CFH: variants seen among roughly 807,000 people sequenced by gnomAD.
The protein encoded by CFH is complement factor H.
A neutral mutation model predicts 147.3 loss-of-function variants in CFH; 53 were observed. The observed-to-expected ratio is 0.36, with a 90% CI of 0.29 to 0.45. The LOEUF (loss-of-function observed/expected upper bound fraction) is 0.45, where lower values mean the gene tolerates loss of function less well. Among genes scored for constraint, CFH ranks in the 20% least tolerant of loss-of-function variants. The pLI is 1.00. For missense variants in CFH, 1,380 were observed against 1,498.0 expected (o/e 0.92, Z 1.30); for synonymous variants, 536 against 489.4 (o/e 1.10, Z -1.26).
chr1:196,724,384 C>A (rs1007909932), intron 11 of CFH, among the ~76,000 whole-genome samples: 8 of 151,992 alleles, frequency 5.3e-5, no homozygotes, highest in Non-Finnish European at 1.2e-4. Flanking sequence ...GGCAGATGAC[C>A]CTATTCAACT....
At chr1:196,692,156 A>C (rs1020248190) in intron 9 of CFH, among the ~76,000 whole-genome samples, 1 of 152,000 alleles carries the variant, frequency 6.6e-6, no homozygotes, top group Non-Finnish European at 1.5e-5. Context: ...TTGAGATAGA[A>C]TCTCACTCTG....
intron 9 of CFH, among the ~76,000 whole-genome samples, chr1:196,703,684 C>A (rs779900751): frequency 9.9e-5 from 15 of 151,990 alleles, no homozygotes; most frequent in South Asian, 2.1e-4. Flanking sequence ...AGAGTAAGAT[C>A]ATTTAAAGCA....
rs534151477 is a variant in CFH, at chr1:196,676,978, C to T, written c.428-498C>T. The T allele has an allele frequency of 5.8e-5, 9 of 155,418 alleles. No individual in the cohort carries two copies. In the East Asian group the frequency reaches 1.1e-3, roughly 20 times the overall value. The allele number at this position is 155,418 out of a possible 1,614,324, so 9.6% of individuals were successfully genotyped here. On this transcript the variant is annotated intron_variant, in intron 4 of 21. Coordinates refer to ENST00000367429, the MANE Select transcript of CFH (RefSeq NM_000186.4). The stretch of plus-strand genomic sequence containing the variant: ...ATTCTATAGTACAATAAAGTTTGAC[C>T]ACAACTTTAGAGAAATTGGAAAATA...
intron 9 of CFH, among the ~76,000 whole-genome samples, chr1:196,705,480 A>G (rs1055842938): frequency 6.6e-6 from 1 of 152,202 alleles, no homozygotes; most frequent in Non-Finnish European, 1.5e-5. Context: ...GACTTCTAGA[A>G]TGGACAAGGA....
Position 196,685,215 on chromosome 1 carries a change from G to A in CFH, c.942G>A (p.Trp314Ter). The A allele has an allele frequency of 6.2e-7, 1 of 1,612,806 alleles. No homozygotes were observed. Among genetic ancestry groups the A allele is most frequent in the Non-Finnish European group, 8.5e-7 (1 of 1,179,216 alleles). ...CAGCAAAATGCACAAGTACTGGCTG[G>A]ATACCTGCTCCGAGATGTACCTGTA... The part of the protein sequence containing the change: ...GNTAKCTSTG[W>*]IPAPRCTLKP... The change falls in exon 7 of 22, where the codon TGG (tryptophan) becomes TGA (stop). Residue 314 changes from tryptophan (W) to a stop codon, truncating the protein, a stop_gained. Transcript: ENST00000367429. LOFTEE classifies it high-confidence loss of function.
intron 9 of CFH, among the ~76,000 whole-genome samples, chr1:196,696,194 G>A (rs984554518): frequency 6.6e-6 from 1 of 151,944 alleles, no homozygotes; most frequent in South Asian, 2.1e-4. Context: ...TTCTAAGATC[G>A]ACCATATAAT....
chr1:196,701,777 C>A (rs1449312371), intron 9 of CFH, among the ~76,000 whole-genome samples: 1 of 152,094 alleles, frequency 6.6e-6, no homozygotes, highest in African/African-American at 2.4e-5. Flanking sequence ...CTTAGTTCTC[C>A]CAAAGTAACC....
chr1:196,740,517 C>T (rs1652774295), intron 17 of CFH, 102 bp from the exon 18 acceptor site: 1 of 1,133,184 alleles, frequency 8.8e-7, no homozygotes, highest in Non-Finnish European at 1.3e-6. Context: ...CATAGTAGCT[C>T]CTGTATTGTT....
chr1:196,682,291 G>A (rs1667684024), intron 6 of CFH, among the ~76,000 whole-genome samples: 1 of 151,732 alleles, frequency 6.6e-6, no homozygotes, highest in Non-Finnish European at 1.5e-5. Context: ...AACTTCAAAT[G>A]ACCAATGGTT....
At chr1:196,696,271 C>G (rs1442872069) in intron 9 of CFH, among the ~76,000 whole-genome samples, 1 of 152,100 alleles carries the variant, frequency 6.6e-6, no homozygotes, top group Admixed American at 6.6e-5. Flanking sequence ...TCTCAGACCA[C>G]AGTGAAATCA....
intron 16 of CFH, among the ~76,000 whole-genome samples, 160 bp from the exon 17 acceptor site, chr1:196,737,315 G>C (rs1031013308): frequency 6.6e-6 from 1 of 152,142 alleles, no homozygotes; most frequent in African/African-American, 2.4e-5. Context: ...AGATATGGTG[G>C]AGGAATATAT....
At chr1:196,702,109 G>T (rs1668471709) in intron 9 of CFH, among the ~76,000 whole-genome samples, 3 of 152,130 alleles carry the variant, frequency 2.0e-5, no homozygotes, top group African/African-American at 7.2e-5. Flanking sequence ...TGATTTACAA[G>T]AAAAAGATGA....
chr1:196,684,565 T>A (rs1330957030), intron 6 of CFH, among the ~76,000 whole-genome samples: 1 of 151,936 alleles, frequency 6.6e-6, no homozygotes, highest in Non-Finnish European at 1.5e-5. Context: ...ATTCACACAA[T>A]GGCTTTTAAA....
intron 18 of CFH, 96 bp from the exon 19 acceptor site, chr1:196,741,779 G>A (rs898693475): frequency 1.0e-5 from 12 of 1,143,480 alleles, no homozygotes; most frequent in Non-Finnish European, 1.4e-5. Context: ...AGTATTCATT[G>A]ATTCTATATA....
chr1:196,742,464 T>C (rs768978308), intron 19 of CFH, among the ~76,000 whole-genome samples: 5 of 152,188 alleles, frequency 3.3e-5, no homozygotes, highest in Non-Finnish European at 7.4e-5. Context: ...GAATTGTCTC[T>C]AACATCATTA....
chr1:196,714,597 ATGTGTGTG>A (rs3043112), intron 10 of CFH, among the ~76,000 whole-genome samples: 1 of 103,932 alleles, frequency 9.6e-6, no homozygotes, highest in Admixed American at 1.1e-4. Flanking sequence ...ACTCAGTAAT[ATGTGTGTG>A]TGTGTGTGTG....
rs115745619 is a variant in CFH, at chr1:196,680,737, G to T, written c.790+944G>T. On this transcript the variant is annotated intron_variant, in intron 6 of 21. Transcript: ENST00000367429. The stretch of plus-strand genomic sequence containing the variant: ...AGAGTTGAACTCTTAAGAGCCCTCT[G>T]AACTTTAAATCCCATGATTCATAAA... 5.8e-3 allele frequency among the ~76,000 whole-genome samples: 876 copies of T among 151,918 alleles called. 10 individuals are homozygous for T. Among genetic ancestry groups the T allele is most frequent in the African/African-American group, 0.02 (828 of 41,508 alleles).
At chr1:196,718,095 A>G (rs1573057989) in intron 11 of CFH, among the ~76,000 whole-genome samples, 1 of 152,100 alleles carries the variant, frequency 6.6e-6, no homozygotes, top group Non-Finnish European at 1.5e-5. Flanking sequence ...GGCAGTGTCA[A>G]AGGTCCAGTT....
In CFH at chr1:196,682,571, G is replaced by A. The variant is rs573025562; in HGVS notation, c.791-2493G>A. On this transcript the variant is annotated intron_variant, in intron 6 of 21. Coordinates refer to ENST00000367429, the MANE Select transcript of CFH (RefSeq NM_000186.4). The stretch of plus-strand genomic sequence containing the variant: ...TCATAGCTTTTGACTTCAAAAATTG[G>A]TATTAAATTGAGCTATATCATAAGG... 9.3e-5 allele frequency among the ~76,000 whole-genome samples: 14 copies of A among 151,154 alleles called. No individual in the cohort carries two copies. In the South Asian group the frequency reaches 2.9e-3, roughly 31 times the overall value.
Sources: gnomAD v4.1 joint callset for allele counts (sites outside exome capture counted in the v4.1 genomes callset) on GRCh38, gnomAD v4.1.1 for gene constraint, MANE v1.5 for transcripts, NCBI Gene and HGNC (gene_info 2026-07-23, HGNC 2026-07-21) for gene names.